The following ZNRF1 variants were observed in gnomAD, a reference collection of about 807,000 sequenced individuals.
ZNRF1 encodes zinc and ring finger 1.
ZNRF1 carries 3 observed loss-of-function variants against 18.4 expected under a neutral mutation model. The ratio of observed to expected loss-of-function variants is 0.16; its 90% CI spans 0.07 to 0.42. The LOEUF is 0.42. Ranked by LOEUF, ZNRF1 falls within the 10% of genes least tolerant of loss-of-function variation. ZNRF1 has a pLI of 0.99. For missense variants in ZNRF1, 310 were observed against 329.8 expected (o/e 0.94, Z 0.47); for synonymous variants, 157 against 144.2 (o/e 1.09, Z -0.64).
intron 1 of ZNRF1, among the ~76,000 whole-genome samples, chr16:75,029,225 C>G (rs1321915489): frequency 6.6e-6 from 1 of 152,114 alleles, no homozygotes. Context: ...CAGCTCACTG[C>G]AAGCTCCACC....
intron 1 of ZNRF1, among the ~76,000 whole-genome samples, chr16:75,013,869 G>A (rs1261351412): frequency 6.7e-6 from 1 of 150,132 alleles, no homozygotes; most frequent in Non-Finnish European, 1.5e-5. Context: ...TCACTGTATC[G>A]CCCAGGCTAG....
chr16:75,097,483 C>T (rs2044031276), intron 2 of ZNRF1, among the ~76,000 whole-genome samples: 1 of 152,104 alleles, frequency 6.6e-6, no homozygotes. Flanking sequence ...AAGGCCATTG[C>T]CCCCATCTTT....
chr16:74,999,031 C>G lies in ZNRF1; in HGVS notation c.-641C>G, dbSNP rs1362862646. ...TGCGCTCTGCCGCCCTCCATTGTCT[C>G]CACGGCGGCGAGGAGCGCCGGCGAG... On this transcript the variant is annotated 5_prime_UTR_variant, in exon 1 of 5. Coordinates refer to ENST00000335325, the MANE Select transcript of ZNRF1 (RefSeq NM_032268.5). The G allele has an allele frequency of 1.3e-5, 2 of 151,068 alleles. No homozygotes were observed. The highest frequency in any genetic ancestry group is 3.0e-5 in the Non-Finnish European group (2 of 67,704). The allele number at this position is 151,068 out of a possible 1,614,324, so 9.4% of individuals were successfully genotyped here. A position where few individuals can be genotyped will look rare whatever the true frequency, so the allele number is the denominator to read the frequency against.
chr16:75,063,717 G>A (rs2145391460), intron 1 of ZNRF1, among the ~76,000 whole-genome samples: 1 of 152,310 alleles, frequency 6.6e-6, no homozygotes, highest in South Asian at 2.1e-4. Flanking sequence ...ATGCTTGCGA[G>A]CACCTTGCAG....
chr16:75,004,440 A>C (rs1042635606), intron 1 of ZNRF1, among the ~76,000 whole-genome samples: 7 of 152,120 alleles, frequency 4.6e-5, no homozygotes, highest in Non-Finnish European at 1.0e-4. Flanking sequence ...ACCATGTTGA[A>C]AGAAGTTGCT....
rs1567459853 is a variant in ZNRF1 at position 74,999,131 on chromosome 16, G to A, written c.-541G>A. 6.8e-6 allele frequency: 1 copy of A among 147,476 alleles called. No homozygotes were observed. Among genetic ancestry groups the A allele is most frequent in the East Asian group, 2.0e-4 (1 of 5,088 alleles). The allele number at this position is 147,476 out of a possible 1,614,324, so 9.1% of individuals were successfully genotyped here. A position where few individuals can be genotyped will look rare whatever the true frequency, so the allele number is the denominator to read the frequency against. On this transcript the variant is annotated 5_prime_UTR_variant, in exon 1 of 5. Transcript: ENST00000335325. ...CTGAAGCGAGAGCGCGACGCGACGC[G>A]ACCGCGGCTTCCCGAGCTGCGCCTG... is the stretch of plus-strand genomic sequence containing the variant.
intron 1 of ZNRF1, among the ~76,000 whole-genome samples, chr16:75,090,387 G>A (rs1287922988): frequency 6.6e-6 from 1 of 152,002 alleles, no homozygotes; most frequent in Non-Finnish European, 1.5e-5. Context: ...TCTGGTTGTT[G>A]TGTCCTTTTT....
At chr16:75,042,734 C>T (rs1167070751) in intron 1 of ZNRF1, among the ~76,000 whole-genome samples, 1 of 152,056 alleles carries the variant, frequency 6.6e-6, no homozygotes, top group African/African-American at 2.4e-5. Flanking sequence ...TTTGCATTTC[C>T]ATGTACGTTT....
chr16:75,095,763 A>AAT, intron 2 of ZNRF1: 1 of 1,508,116 alleles, frequency 6.6e-7, no homozygotes, highest in South Asian at 1.2e-5. Context: ...GAGGCTGTCC[A>AAT]GCTCCTCTGC....
At chr16:75,107,451 C>A in intron 4 of ZNRF1, 1 of 290,106 alleles carries the variant, frequency 3.4e-6, no homozygotes, top group Admixed American at 4.8e-5. Flanking sequence ...AGTAAACTCC[C>A]AGAACAGCTG....
chr16:75,016,364 G>C (rs1413010844), intron 1 of ZNRF1, among the ~76,000 whole-genome samples: 2 of 151,386 alleles, frequency 1.3e-5, no homozygotes, highest in African/African-American at 4.9e-5. Flanking sequence ...TCAGCCTCCC[G>C]AGTAGCTGGG....
In ZNRF1 at chr16:75,073,118, A is replaced by ATCTCTCTC. The variant is rs374451771; in HGVS notation, c.425-20426_425-20419dup. Among the ~76,000 whole-genome samples, 223 of 128,426 alleles carry ATCTCTCTC rather than the reference A, an allele frequency of 1.7e-3. 1 individual carries two copies. The highest frequency in any genetic ancestry group is 6.2e-3 in the African/African-American group (206 of 33,234). The allele number at this position is 128,426 out of a possible 152,430, so 84.3% of individuals were successfully genotyped here. A position where few individuals can be genotyped will look rare whatever the true frequency, so the allele number is the denominator to read the frequency against. Reference sequence around the variant, plus strand: ...AACCTGGGTAACATAGTGAGACCCCATCTCTCTCTCTCTCTCTCTCTCTCT... The same window carrying ATCTCTCTC: ...AACCTGGGTAACATAGTGAGACCCCATCTCTCTCTCTCTCTCTCTCTCTCTCTCTCTCT... On this transcript the variant is annotated intron_variant, in intron 1 of 4. Coordinates refer to ENST00000335325, the MANE Select transcript of ZNRF1 (RefSeq NM_032268.5).
intron 2 of ZNRF1, among the ~76,000 whole-genome samples, chr16:75,099,686 G>T (rs979635398): frequency 6.6e-6 from 1 of 152,202 alleles, no homozygotes; most frequent in South Asian, 2.1e-4. Flanking sequence ...TTCTCTAGGG[G>T]CCTGGAGATA....
chr16:75,089,076 C>A lies in ZNRF1; in HGVS notation c.425-4496C>A, dbSNP rs532793449. Reference sequence around the variant, plus strand: ...AAAAGCCAGGTCATCATGTGATTTCCCACTCGCATAATAGACACCAACTTA... The same window carrying A: ...AAAAGCCAGGTCATCATGTGATTTCACACTCGCATAATAGACACCAACTTA... On this transcript the variant is annotated intron_variant, in intron 1 of 4. Transcript: ENST00000335325. Among the ~76,000 whole-genome samples the A allele has an allele frequency of 2.0e-5, 3 of 152,166 alleles. No homozygotes were observed. In the South Asian group the frequency reaches 6.2e-4, roughly 32 times the overall value.
chr16:75,025,641 C>T (rs557282129), intron 1 of ZNRF1, among the ~76,000 whole-genome samples: 4 of 152,254 alleles, frequency 2.6e-5, no homozygotes, highest in Admixed American at 6.5e-5. Context: ...GCAAAGAGCT[C>T]GACCCCCACT....
At chr16:75,077,614 C>T (rs1228913410) in intron 1 of ZNRF1, among the ~76,000 whole-genome samples, 2 of 152,190 alleles carry the variant, frequency 1.3e-5, no homozygotes, top group East Asian at 1.9e-4. Context: ...CCTGTTGTTG[C>T]TGTAGCAAAT....
intron 1 of ZNRF1, among the ~76,000 whole-genome samples, chr16:75,004,254 C>G (rs376481054): frequency 5.5e-4 from 84 of 152,302 alleles, no homozygotes; most frequent in African/African-American, 1.9e-3. Context: ...CATAATGCCG[C>G]TGATAAGGGC....
At chr16:75,107,599 C>G in intron 4 of ZNRF1, 134 bp from the exon 5 acceptor site, 1 of 414,404 alleles carries the variant, frequency 2.4e-6, no homozygotes, top group South Asian at 1.7e-5. Context: ...GCAAATTCCC[C>G]GTGTGCTGTT....
intron 1 of ZNRF1, among the ~76,000 whole-genome samples, chr16:75,027,914 C>T (rs1280457719): frequency 6.6e-6 from 1 of 152,224 alleles, no homozygotes; most frequent in African/African-American, 2.4e-5. Context: ...TTTCTCCTCT[C>T]TTTTAAAAAC....
Sources: gnomAD v4.1 joint callset for allele counts (sites outside exome capture counted in the v4.1 genomes callset) on GRCh38, gnomAD v4.1.1 for gene constraint, MANE v1.5 for transcripts, NCBI Gene and HGNC (gene_info 2026-07-23, HGNC 2026-07-21) for gene names.